The following RALYL variants were observed in gnomAD, a reference collection of about 807,000 sequenced individuals.
The protein encoded by RALYL is RALY RNA binding protein like.
Under a neutral mutation model 35.1 loss-of-function variants are expected in RALYL, and 29 were observed. That is an observed-to-expected ratio of 0.83 (90% CI 0.61 to 1.13). The LOEUF (loss-of-function observed/expected upper bound fraction) is 1.13, where lower values mean the gene tolerates loss of function less well. Ranked by LOEUF, RALYL falls within the 50% of genes most tolerant of loss-of-function variation. The pLI is 0.00. For synonymous variants in RALYL, 120 were observed against 127.6 expected, an observed-to-expected ratio of 0.94 and a Z score of 0.40; for missense variants, 359 against 360.4, an observed-to-expected ratio of 1.00 and a Z score of 0.03.
intron 1 of RALYL, among the ~76,000 whole-genome samples, chr8:84,522,826 A>G (rs999624855): frequency 3.9e-5 from 6 of 152,076 alleles, no homozygotes; most frequent in African/African-American, 1.2e-4. Flanking sequence ...TAGTGTATAT[A>G]TTAATATTGC....
chr8:84,394,250 A>G (rs1861311459), intron 1 of RALYL, among the ~76,000 whole-genome samples: 2 of 152,138 alleles, frequency 1.3e-5, no homozygotes, highest in Admixed American at 1.3e-4. Context: ...AGCTTGTTCC[A>G]TGCAAAAGGA....
At chr8:84,443,591 G>A (rs541951519) in intron 1 of RALYL, among the ~76,000 whole-genome samples, 2 of 152,204 alleles carry the variant, frequency 1.3e-5, no homozygotes, top group East Asian at 3.9e-4. Flanking sequence ...TCCCTTGCTT[G>A]GTATAGAGCG....
At chr8:84,791,035 G>A (rs1820654266) in intron 3 of RALYL, among the ~76,000 whole-genome samples, 1 of 152,184 alleles carries the variant, frequency 6.6e-6, no homozygotes, top group Non-Finnish European at 1.5e-5. Flanking sequence ...AAAAATCTCT[G>A]TCCTTGCCTT....
chr8:84,717,891 C>T (rs897829039), intron 2 of RALYL, among the ~76,000 whole-genome samples: 1 of 152,048 alleles, frequency 6.6e-6, no homozygotes, highest in African/African-American at 2.4e-5. Flanking sequence ...AATAACCGTA[C>T]AGTTTCATGT....
chr8:84,311,357 A>G (rs1226722930), intron 1 of RALYL, among the ~76,000 whole-genome samples: 1 of 152,058 alleles, frequency 6.6e-6, no homozygotes, highest in African/African-American at 2.4e-5. Flanking sequence ...ATCTTATCCA[A>G]TAATGATGAA....
At chr8:84,626,616 C>A (rs1822785356) in intron 2 of RALYL, among the ~76,000 whole-genome samples, 1 of 151,976 alleles carries the variant, frequency 6.6e-6, no homozygotes, top group African/African-American at 2.4e-5. Flanking sequence ...AATTGAGATT[C>A]CTGAAAAACA....
At chr8:84,679,099 A>T (rs749019593) in intron 2 of RALYL, 3 of 237,412 alleles carry the variant, frequency 1.3e-5, no homozygotes, top group Non-Finnish European at 2.6e-5. Context: ...GTGTAGAAAG[A>T]TAGTAAATGC....
chr8:84,439,848 T>C (rs1350016124), intron 1 of RALYL, among the ~76,000 whole-genome samples: 1 of 152,114 alleles, frequency 6.6e-6, no homozygotes, highest in Non-Finnish European at 1.5e-5. Context: ...TAAAAAATTA[T>C]TTGATTGGCT....
intron 1 of RALYL, among the ~76,000 whole-genome samples, chr8:84,225,168 C>T (rs1402994252): frequency 1.3e-5 from 2 of 152,088 alleles, no homozygotes; most frequent in Non-Finnish European, 2.9e-5. Context: ...GATACAGAAG[C>T]CTTAAGATTC....
chr8:84,547,811 A>G (rs1390917025), intron 2 of RALYL, among the ~76,000 whole-genome samples: 2 of 152,152 alleles, frequency 1.3e-5, no homozygotes, highest in Admixed American at 1.3e-4. Flanking sequence ...ATCATTTTTG[A>G]GAGTTGAGTT....
At chr8:84,278,178 T>C (rs1443773657) in intron 1 of RALYL, among the ~76,000 whole-genome samples, 1 of 152,236 alleles carries the variant, frequency 6.6e-6, no homozygotes, top group South Asian at 2.1e-4. Flanking sequence ...ACATCAATTA[T>C]TGACTTCTGT....
chr8:84,711,586 T>A (rs932119571), intron 2 of RALYL, among the ~76,000 whole-genome samples: 1 of 152,184 alleles, frequency 6.6e-6, no homozygotes, highest in Admixed American at 6.6e-5. Context: ...AAAGTAAATT[T>A]ACATTTTGAT....
At position 84,606,341 on chromosome 8, in the gene RALYL, G is replaced by C. The variant is rs139555866; in HGVS notation, c.256+76764G>C. ...AAAAATCCCCCAGTTATTTGAGCAG[G>C]AACATGCTTTGGTCACTACTGACCT... On this transcript the variant is annotated intron_variant, in intron 2 of 8. Coordinates refer to ENST00000521268, the MANE Select transcript of RALYL (RefSeq NM_173848.7). Among the ~76,000 whole-genome samples the C allele has an allele frequency of 7.7e-3, 1,169 of 152,214 alleles. 9 individuals are homozygous for C. The highest frequency in any genetic ancestry group is 0.013 in the Non-Finnish European group (860 of 68,008).
intron 8 of RALYL, among the ~76,000 whole-genome samples, chr8:84,918,964 T>C (rs527663402): frequency 1.3e-5 from 2 of 152,202 alleles, no homozygotes; most frequent in East Asian, 3.9e-4. Flanking sequence ...GAAAAAATTA[T>C]ACTGGGGGTA....
chr8:84,604,858 T>C (rs1377390587), intron 2 of RALYL, among the ~76,000 whole-genome samples: 1 of 152,142 alleles, frequency 6.6e-6, no homozygotes, highest in African/African-American at 2.4e-5. Context: ...AGGAAAACAG[T>C]TGAGTGCAAC....
At chr8:84,592,052 C>G (rs1189856623) in intron 2 of RALYL, among the ~76,000 whole-genome samples, 1 of 152,014 alleles carries the variant, frequency 6.6e-6, no homozygotes, top group Non-Finnish European at 1.5e-5. Context: ...AGCAGCTAAC[C>G]AGTGCATTTT....
chr8:84,692,417 AG>A (rs35670000), intron 2 of RALYL, among the ~76,000 whole-genome samples: 9 of 152,008 alleles, frequency 5.9e-5, no homozygotes, highest in African/African-American at 9.7e-5. Flanking sequence ...GAAATTTTAA[AG>A]GGGTATCACT....
chr8:84,570,509 A>C (rs551384370), intron 2 of RALYL, among the ~76,000 whole-genome samples: 1 of 151,954 alleles, frequency 6.6e-6, no homozygotes, highest in African/African-American at 2.4e-5. Context: ...CTAGGTATAC[A>C]ATGATGTCAT....
At chr8:84,538,993 A>C (rs568341627) in intron 2 of RALYL, among the ~76,000 whole-genome samples, 1 of 152,356 alleles carries the variant, frequency 6.6e-6, no homozygotes, top group Admixed American at 6.5e-5. Flanking sequence ...AATTGAGTAT[A>C]ATCATGAAGA....
Sources: allele counts gnomAD v4.1 joint callset (sites outside exome capture counted in the v4.1 genomes callset), GRCh38; gene constraint gnomAD v4.1.1; transcripts MANE v1.5; gene names NCBI Gene and HGNC (gene_info 2026-07-23, HGNC 2026-07-21).